Variants in RNF13 observed in about 807,000 individuals in gnomAD.
RNF13 encodes E3 ubiquitin-protein ligase RNF13.
In RNF13, 19 loss-of-function variants were observed where a neutral mutation model predicts 37.7. The ratio of observed to expected loss-of-function variants is 0.50; its 90% CI spans 0.35 to 0.74. The LOEUF is 0.74. Among genes scored for constraint, RNF13 ranks in the 30% least tolerant of loss-of-function variants. RNF13 has a pLI of 0.01. For synonymous variants in RNF13, 144 were observed against 157.8 expected (o/e 0.91, Z 0.65); for missense variants, 375 against 453.0 (o/e 0.83, Z 1.56).
At chr3:149,947,316 G>C (rs1342922999) in intron 8 of RNF13, among the ~76,000 whole-genome samples, 1 of 151,552 alleles carries the variant, frequency 6.6e-6, no homozygotes, top group Non-Finnish European at 1.5e-5. Context: ...TCTTCTGTTT[G>C]ATCTTCTGTC....
intron 4 of RNF13, among the ~76,000 whole-genome samples, chr3:149,891,267 GT>G (rs1714668866): frequency 6.6e-6 from 1 of 152,172 alleles, no homozygotes; most frequent in Non-Finnish European, 1.5e-5. Flanking sequence ...GAGATAACAT[GT>G]ATAAAGCACT....
At chr3:149,925,915 G>A (rs190931488) in intron 8 of RNF13, among the ~76,000 whole-genome samples, 52 of 152,196 alleles carry the variant, frequency 3.4e-4, no homozygotes, top group Non-Finnish European at 6.3e-4. Context: ...ATTCTGGTGG[G>A]TTTATAACTC....
intron 1 of RNF13, among the ~76,000 whole-genome samples, chr3:149,825,797 A>T (rs1050017151): frequency 6.6e-6 from 1 of 152,184 alleles, no homozygotes; most frequent in African/African-American, 2.4e-5. Context: ...CTTATAATTC[A>T]CATACAATAA....
intron 8 of RNF13, among the ~76,000 whole-genome samples, chr3:149,941,929 A>G (rs1291150176): frequency 2.1e-5 from 1 of 47,848 alleles, no homozygotes; most frequent in Non-Finnish European, 4.9e-5. Context: ...AGGCATGTGG[A>G]TATCCCAGTT....
At chr3:149,932,657 C>CT (rs1719278935) in intron 8 of RNF13, among the ~76,000 whole-genome samples, 1 of 152,220 alleles carries the variant, frequency 6.6e-6, no homozygotes, top group African/African-American at 2.4e-5. Context: ...ATCTTTGACT[C>CT]TGTGTCCCGC....
chr3:149,941,172 T>C (rs927766003), intron 8 of RNF13, among the ~76,000 whole-genome samples: 5 of 152,172 alleles, frequency 3.3e-5, no homozygotes, highest in African/African-American at 1.2e-4. Context: ...GGGTGAAAAT[T>C]TATCTTTAAG....
At chr3:149,939,024 A>G (rs1719987195) in intron 8 of RNF13, 2 of 482,742 alleles carry the variant, frequency 4.1e-6, no homozygotes, top group East Asian at 4.5e-5. Flanking sequence ...GAGATTTTGA[A>G]TAACCTCCTG....
intron 4 of RNF13, among the ~76,000 whole-genome samples, chr3:149,885,997 C>T (rs1713985792): frequency 6.6e-6 from 1 of 152,112 alleles, no homozygotes; most frequent in South Asian, 2.1e-4. Context: ...CTGTCTTTTC[C>T]CCAGTGTATG....
rs1323341926 is a variant in RNF13 at position 149,959,214 on chromosome 3, A to G, written c.701-842A>G. On this transcript the variant is annotated intron_variant, in intron 8 of 9. Coordinates refer to ENST00000392894, the MANE Select transcript of RNF13 (RefSeq NM_183381.3). The stretch of plus-strand genomic sequence containing the variant: ...GTGGTGTCTAAGCCACTATTAATTG[A>G]AAAAGCTGCTGTATTTAAAAAAACT... Among the ~76,000 whole-genome samples the G allele has an allele frequency of 2.0e-5, 3 of 152,216 alleles. No homozygotes were observed. The East Asian group carries it at 5.8e-4, about 29-fold the overall frequency.
intron 8 of RNF13, among the ~76,000 whole-genome samples, chr3:149,944,672 T>C (rs1396164220): frequency 6.6e-6 from 1 of 152,238 alleles, no homozygotes; most frequent in Admixed American, 6.5e-5. Flanking sequence ...TTTTTTCTTG[T>C]AAATTTGTTG....
chr3:149,824,584 A>G (rs1288920041), intron 1 of RNF13, among the ~76,000 whole-genome samples: 1 of 152,200 alleles, frequency 6.6e-6, no homozygotes, highest in East Asian at 1.9e-4. Flanking sequence ...AAAAACATAC[A>G]TGAATAATAT....
At chr3:149,842,324 G>A (rs947340244) in intron 1 of RNF13, among the ~76,000 whole-genome samples, 1 of 152,076 alleles carries the variant, frequency 6.6e-6, no homozygotes, top group Non-Finnish European at 1.5e-5. Flanking sequence ...TCTCACTGTG[G>A]TCTTCCTTCT....
intron 4 of RNF13, among the ~76,000 whole-genome samples, chr3:149,885,969 C>T (rs1276018569): frequency 2.0e-5 from 3 of 152,162 alleles, no homozygotes; most frequent in Non-Finnish European, 2.9e-5. Flanking sequence ...GTTTTCTCAG[C>T]GCCATTCATT....
intron 6 of RNF13, among the ~76,000 whole-genome samples, chr3:149,908,672 G>A (rs1716671541): frequency 6.6e-6 from 1 of 152,148 alleles, no homozygotes; most frequent in South Asian, 2.1e-4. Flanking sequence ...CCAGCAGTTG[G>A]GCTGAATACA....
At chr3:149,844,871 C>CT (rs1355598477) in intron 1 of RNF13, among the ~76,000 whole-genome samples, 4 of 152,088 alleles carry the variant, frequency 2.6e-5, no homozygotes, top group African/African-American at 9.7e-5. Flanking sequence ...TCACCAGAGT[C>CT]TAATTTTAGA....
chr3:149,839,829 T>G lies in RNF13; in HGVS notation c.-16-6182T>G, dbSNP rs182934234. 9.2e-5 allele frequency among the ~76,000 whole-genome samples: 14 copies of G among 152,294 alleles called. No homozygotes were observed. In the East Asian group the frequency reaches 2.5e-3, roughly 27 times the overall value. On this transcript the variant is annotated intron_variant, in intron 1 of 9. Transcript: ENST00000392894. ...TCTCCATTATTCCGAAAATGTATTT[T>G]TATTGTTGGTTTAATGGAACTGTAT... is the stretch of plus-strand genomic sequence containing the variant.
At chr3:149,840,040 T>C (rs1722013469) in intron 1 of RNF13, among the ~76,000 whole-genome samples, 1 of 152,208 alleles carries the variant, frequency 6.6e-6, no homozygotes, top group Non-Finnish European at 1.5e-5. Context: ...CAGAAAATTC[T>C]TGTAAACTTG....
rs146907927 is a variant in RNF13, at chr3:149,872,116, G to T, written c.283G>T (p.Val95Leu). The T allele has an allele frequency of 5.0e-6, 8 of 1,596,118 alleles. No homozygotes were observed. Among genetic ancestry groups the T allele is most frequent in the African/African-American group, 4.0e-5 (3 of 74,556 alleles). Residue 95 changes from valine (V) to leucine (L), a missense_variant, in exon 4 of 10, where the codon GTG (valine) becomes TTG (leucine). Physicochemically the swap from Val to Leu is conservative, Grantham distance 32. Coordinates refer to ENST00000392894, the MANE Select transcript of RNF13 (RefSeq NM_183381.3). ...VKDNSSGTFI[V>L]LIRRLDCNFD... ...AGACAATTCATCTGGCACTTTCATC[G>T]TGTTAATTAGAAGACTTGATTGTAA...
intron 6 of RNF13, among the ~76,000 whole-genome samples, chr3:149,911,696 C>T (rs928173339): frequency 2.0e-5 from 3 of 151,362 alleles, no homozygotes; most frequent in Non-Finnish European, 2.9e-5. Context: ...AAATAAATAA[C>T]ATATCTCCAG....
Sources: gnomAD v4.1 joint callset for allele counts (sites outside exome capture counted in the v4.1 genomes callset) on GRCh38, gnomAD v4.1.1 for gene constraint, MANE v1.5 for transcripts, NCBI Gene and HGNC (gene_info 2026-07-23, HGNC 2026-07-21) for gene names.